The following CNTN4 variants were observed in gnomAD, a reference collection of about 807,000 sequenced individuals.
The protein encoded by CNTN4 is contactin-4.
CNTN4 carries 77 observed loss-of-function variants against 122.5 expected under a neutral mutation model. The ratio of observed to expected loss-of-function variants is 0.63; its 90% CI spans 0.52 to 0.76. The LOEUF (loss-of-function observed/expected upper bound fraction) is 0.76. Among genes scored for constraint, CNTN4 ranks in the 30% least tolerant of loss-of-function variants. CNTN4 has a pLI of 0.00. For synonymous variants in CNTN4, 512 were observed against 447.0 expected (o/e 1.15, Z -1.83); for missense variants, 1,256 against 1,259.1 (o/e 1.00, Z 0.04).
intron 3 of CNTN4, among the ~76,000 whole-genome samples, chr3:2,476,497 G>T (rs902188998): frequency 6.6e-6 from 1 of 152,106 alleles, no homozygotes. Flanking sequence ...GCAATAAAAG[G>T]AACAAAGCAC....
chr3:2,852,229 A>G (rs2093560783), intron 7 of CNTN4, among the ~76,000 whole-genome samples: 1 of 152,148 alleles, frequency 6.6e-6, no homozygotes, highest in Admixed American at 6.5e-5. Flanking sequence ...TTAATGAGTC[A>G]CCTTTTCTCT....
At chr3:3,026,326 C>T in intron 15 of CNTN4, 49 bp downstream of exon 15, 6 of 1,461,166 alleles carry the variant, frequency 4.1e-6, no homozygotes, top group Non-Finnish European at 5.8e-6. Flanking sequence ...TTTAGACCAA[C>T]TTAACAATAT....
Position 2,598,328 on chromosome 3 carries a change from T to G in CNTN4, c.55+26770T>G, listed in dbSNP as rs578011484. On this transcript the variant is annotated intron_variant, in intron 4 of 24. Coordinates refer to ENST00000418658, the MANE Select transcript of CNTN4 (RefSeq NM_175607.3). ...ATTAGCAAGTACAATTGCATACTCT[T>G]AATCATCTTGCCCTTATTATATGAG... Among the ~76,000 whole-genome samples, 29 of 152,314 alleles carry G rather than the reference T, an allele frequency of 1.9e-4. 1 individual carries two copies. The highest frequency in any genetic ancestry group is 1.5e-3 in the South Asian group (7 of 4,820).
intron 3 of CNTN4, among the ~76,000 whole-genome samples, chr3:2,509,279 C>T (rs2076818950): frequency 6.6e-6 from 1 of 152,034 alleles, no homozygotes; most frequent in African/African-American, 2.4e-5. Context: ...GCTAAAGTCT[C>T]AATAATAATG....
chr3:2,749,175 A>G (rs2089961704), intron 6 of CNTN4, among the ~76,000 whole-genome samples: 1 of 151,704 alleles, frequency 6.6e-6, no homozygotes, highest in South Asian at 2.1e-4. Context: ...TTGTTTTTTT[A>G]TTTTTTGAGA....
At chr3:2,263,138 C>A (rs1324161943) in intron 2 of CNTN4, among the ~76,000 whole-genome samples, 1 of 152,050 alleles carries the variant, frequency 6.6e-6, no homozygotes, top group African/African-American at 2.4e-5. Flanking sequence ...AAATTTATGT[C>A]CTCTAAGAAG....
chr3:2,518,960 G>A (rs932885607), intron 3 of CNTN4, among the ~76,000 whole-genome samples: 5 of 152,110 alleles, frequency 3.3e-5, no homozygotes, highest in South Asian at 4.1e-4. Context: ...ACAAAGAGAG[G>A]CAATTGTAGG....
chr3:2,931,053 G>T (rs1442742488), intron 13 of CNTN4, among the ~76,000 whole-genome samples: 1 of 152,142 alleles, frequency 6.6e-6, no homozygotes, highest in East Asian at 1.9e-4. Flanking sequence ...TTTATGCAAG[G>T]GAGTGTGCAG....
intron 4 of CNTN4, among the ~76,000 whole-genome samples, chr3:2,693,254 G>C (rs1234064050): frequency 6.6e-6 from 1 of 151,986 alleles, no homozygotes; most frequent in Non-Finnish European, 1.5e-5. Flanking sequence ...CTTGAGATTT[G>C]ACCAGTGCAT....
At chr3:2,167,090 G>C in intron 2 of CNTN4, among the ~76,000 whole-genome samples, 1 of 152,034 alleles carries the variant, frequency 6.6e-6, no homozygotes. Context: ...ATATATGCAA[G>C]TTACAATTAA....
intron 3 of CNTN4, among the ~76,000 whole-genome samples, chr3:2,524,838 ATTGTTT>A (rs1575848406): frequency 6.6e-6 from 1 of 152,142 alleles, no homozygotes; most frequent in Non-Finnish European, 1.5e-5. Flanking sequence ...AAGAAGAATA[ATTGTTT>A]AGTTAACACA....
chr3:2,615,258 A>T (rs1271530899), intron 4 of CNTN4, among the ~76,000 whole-genome samples: 1 of 152,248 alleles, frequency 6.6e-6, no homozygotes, highest in Non-Finnish European at 1.5e-5. Flanking sequence ...AGGGTATTGC[A>T]TAAGTTGCTA....
chr3:2,957,642 T>C (rs1233620059), intron 13 of CNTN4, among the ~76,000 whole-genome samples: 1 of 152,154 alleles, frequency 6.6e-6, no homozygotes, highest in East Asian at 1.9e-4. Context: ...TCTCATTCTA[T>C]GTCCATGTGT....
At chr3:2,120,409 T>G (rs995214292) in intron 2 of CNTN4, among the ~76,000 whole-genome samples, 38,435 of 104,532 alleles carry the variant, frequency 0.37, 7,831 homozygotes, top group Admixed American at 0.49. Flanking sequence ...ATATATATTT[T>G]TTTTTTTTTT....
chr3:2,585,247 T>A (rs534124396), intron 4 of CNTN4, among the ~76,000 whole-genome samples: 1 of 151,996 alleles, frequency 6.6e-6, no homozygotes, highest in Non-Finnish European at 1.5e-5. Flanking sequence ...GGTGGGACTG[T>A]AAACTAGTTC....
intron 4 of CNTN4, among the ~76,000 whole-genome samples, chr3:2,707,299 A>G (rs1156525556): frequency 6.6e-6 from 1 of 151,218 alleles, no homozygotes; most frequent in Non-Finnish European, 1.5e-5. Context: ...GAGCAAGACC[A>G]TGTCTCAAAA....
rs531953949 is a variant in CNTN4, at chr3:2,367,413, C to G, written c.-89+28180C>G. ...TACATGAAACGAAAAACACAAACCA[C>G]CCTTGAAAATACGAAAATCTTAATT... On this transcript the variant is annotated intron_variant, in intron 3 of 24. Coordinates refer to ENST00000418658, the MANE Select transcript of CNTN4 (RefSeq NM_175607.3). Among the ~76,000 whole-genome samples, 24 of 152,296 alleles carry G rather than the reference C, an allele frequency of 1.6e-4. No homozygotes were observed. The South Asian group carries it at 4.8e-3, about 30-fold the overall frequency.
chr3:2,388,379 T>G (rs2046322629), intron 3 of CNTN4, among the ~76,000 whole-genome samples: 1 of 152,234 alleles, frequency 6.6e-6, no homozygotes, highest in Admixed American at 6.5e-5. Flanking sequence ...GAGCTGAGAT[T>G]TGGGATACCA....
intron 6 of CNTN4, among the ~76,000 whole-genome samples, chr3:2,818,189 G>A (rs2092782775): frequency 6.6e-6 from 1 of 152,180 alleles, no homozygotes; most frequent in East Asian, 1.9e-4. Flanking sequence ...GTACTTAATG[G>A]AGTTTTTATG....
Sources: allele counts gnomAD v4.1 joint callset (sites outside exome capture counted in the v4.1 genomes callset), GRCh38; gene constraint gnomAD v4.1.1; transcripts MANE v1.5; gene names NCBI Gene and HGNC (gene_info 2026-07-23, HGNC 2026-07-21).